SCEL: variants seen among roughly 807,000 people sequenced by gnomAD.
SCEL encodes sciellin.
Under a neutral mutation model 117.6 loss-of-function variants are expected in SCEL, and 113 were observed. That is an observed-to-expected ratio of 0.96 (90% CI 0.83 to 1.12). The LOEUF is 1.12. Among genes scored for constraint, SCEL ranks in the 50% most tolerant of loss-of-function variants. The pLI is 0.00. For synonymous variants in SCEL, 270 were observed against 256.2 expected (o/e 1.05, Z -0.51); for missense variants, 785 against 810.8 (o/e 0.97, Z 0.39).
intron 11 of SCEL, among the ~76,000 whole-genome samples, chr13:77,593,259 A>AGTGTGTGTGTGTGTGTGTGT: frequency 9.0e-6 from 1 of 111,162 alleles, no homozygotes; most frequent in South Asian, 3.0e-4. Context: ...AACAGAGGGG[A>AGTGTGTGTGTGTGTGTGTGT]GTGTGTGTGT....
intron 22 of SCEL, among the ~76,000 whole-genome samples, chr13:77,611,461 T>A (rs1039455630): frequency 6.6e-6 from 1 of 152,136 alleles, no homozygotes; most frequent in African/African-American, 2.4e-5. Flanking sequence ...CTGTTGAGGG[T>A]CAGACACTAA....
intron 11 of SCEL, among the ~76,000 whole-genome samples, chr13:77,591,894 G>A (rs927443557): frequency 6.6e-6 from 1 of 152,104 alleles, no homozygotes; most frequent in East Asian, 1.9e-4. Context: ...ACCAAATGTC[G>A]TCGGGGGGGA....
intron 9 of SCEL, among the ~76,000 whole-genome samples, chr13:77,582,424 CA>C (rs1396243736): frequency 6.6e-6 from 1 of 152,214 alleles, no homozygotes; most frequent in East Asian, 1.9e-4. Flanking sequence ...GACGGGGTTT[CA>C]CCATGTTGGT....
intron 9 of SCEL, among the ~76,000 whole-genome samples, chr13:77,585,705 C>G (rs1169437189): frequency 6.6e-6 from 1 of 152,092 alleles, no homozygotes; most frequent in African/African-American, 2.4e-5. Flanking sequence ...TTTCTTATCA[C>G]CTGGACCATC....
intron 1 of SCEL, among the ~76,000 whole-genome samples, chr13:77,555,213 C>T (rs1567343406): frequency 6.6e-6 from 1 of 152,186 alleles, no homozygotes; most frequent in Non-Finnish European, 1.5e-5. Flanking sequence ...GGAACTGGAT[C>T]AGTCCTGGGC....
At chr13:77,615,387 T>C (rs11841764) in intron 24 of SCEL, among the ~76,000 whole-genome samples, 108 of 152,156 alleles carry the variant, frequency 7.1e-4, no homozygotes, top group African/African-American at 2.4e-3. Flanking sequence ...CCTTGGAAAA[T>C]AGCAAAGGCT....
chr13:77,565,282 C>A (rs555229719), intron 5 of SCEL, among the ~76,000 whole-genome samples: 3 of 152,094 alleles, frequency 2.0e-5, no homozygotes, highest in East Asian at 1.9e-4. Context: ...TCCTACTACC[C>A]CTCACTCCCC....
Position 77,644,445 on chromosome 13 carries a change from A to G in SCEL, c.*171A>G. 1 of 644,120 alleles carries G rather than the reference A, an allele frequency of 1.6e-6. No individual in the cohort carries two copies. The highest frequency in any genetic ancestry group is 2.6e-6 in the Non-Finnish European group (1 of 384,028). 39.9% of individuals were successfully genotyped at this position (644,120 alleles called of 1,614,324 possible). A position where few individuals can be genotyped will look rare whatever the true frequency, so the allele number is the denominator to read the frequency against. ...ATCTAATTGTCTTCAATAAGGTCAC[A>G]CACATAAAAAGAGCCATCTGGTCTC... On this transcript the variant is annotated 3_prime_UTR_variant, in exon 33 of 33. Transcript: ENST00000349847.
intron 21 of SCEL, among the ~76,000 whole-genome samples, 190 bp from the exon 22 acceptor site, chr13:77,609,857 C>A (rs2088507585): frequency 6.6e-6 from 1 of 152,134 alleles, no homozygotes. Context: ...TTCATTATTT[C>A]TCTCCAGTTT....
intron 27 of SCEL, among the ~76,000 whole-genome samples, chr13:77,621,408 G>A (rs1321820634): frequency 6.6e-6 from 1 of 152,068 alleles, no homozygotes; most frequent in Non-Finnish European, 1.5e-5. Flanking sequence ...CGATTGCTTG[G>A]CTAACTTCTA....
Position 77,589,208 on chromosome 13 carries a change from C to G in SCEL, c.610C>G (p.Leu204Val), listed in dbSNP as rs771608739. 5 of 1,611,080 alleles carry G rather than the reference C, an allele frequency of 3.1e-6. No homozygotes were observed. The highest frequency in any genetic ancestry group is 2.2e-5 in the South Asian group (2 of 91,016). ...PSSPVSSPNQLRQDNRQIHPP... is the reference protein window; with the variant it reads ...PSSPVSSPNQVRQDNRQIHPP... Reference sequence around the variant, plus strand: ...TTCTCCTGTTTCTTCTCCTAACCAGCTGAGACAGGATAATAGGTAAGACCT... The same window carrying G: ...TTCTCCTGTTTCTTCTCCTAACCAGGTGAGACAGGATAATAGGTAAGACCT... The change falls in exon 10 of 33, where the codon CTG becomes GTG. Residue 204 changes from leucine to valine, a missense_variant. Transcript: ENST00000349847.
At chr13:77,625,920 G>A (rs762140359) in intron 27 of SCEL, among the ~76,000 whole-genome samples, 1 of 152,064 alleles carries the variant, frequency 6.6e-6, no homozygotes, top group East Asian at 1.9e-4. Flanking sequence ...TGTGAAAGTG[G>A]CCTCTCAAAA....
intron 20 of SCEL, 73 bp downstream of exon 20, chr13:77,608,188 T>A (rs1232103693): frequency 8.3e-7 from 1 of 1,209,594 alleles, no homozygotes; most frequent in African/African-American, 1.5e-5. Context: ...GAAGATGTGT[T>A]GAAAAACCTT....
chr13:77,585,267 T>TG (rs2086496867), intron 9 of SCEL, among the ~76,000 whole-genome samples: 1 of 152,150 alleles, frequency 6.6e-6, no homozygotes, highest in South Asian at 2.1e-4. Flanking sequence ...AGGGTTGTTA[T>TG]GGGGGAATGT....
chr13:77,567,690 A>G lies in SCEL; in HGVS notation c.301A>G (p.Arg101Gly). Residue 101 changes from arginine to glycine, a missense_variant, in exon 6 of 33, where the codon AGA (arginine) becomes GGA (glycine). Coordinates refer to ENST00000349847, the MANE Select transcript of SCEL (RefSeq NM_144777.3). ...TGTTTCTTTATAAAGGATCTCAGAC[A>G]GAAATGATGCTGCTAAAACATATAA... The part of the protein sequence containing the change: ...SDDTLDRISD[R>G]NDAAKTYKAN... The G allele has an allele frequency of 6.2e-7, 1 of 1,607,610 alleles. No individual in the cohort carries two copies. Among genetic ancestry groups the G allele is most frequent in the Non-Finnish European group, 8.5e-7 (1 of 1,176,798 alleles).
At chr13:77,592,562 CTT>C (rs10693960) in intron 11 of SCEL, among the ~76,000 whole-genome samples, 36 of 133,290 alleles carry the variant, frequency 2.7e-4, no homozygotes, top group Non-Finnish European at 2.8e-4. Context: ...CTTCTTCTTC[CTT>C]TTTTTTTTTT....
At chr13:77,554,183 A>G (rs2084514665) in intron 1 of SCEL, among the ~76,000 whole-genome samples, 1 of 152,154 alleles carries the variant, frequency 6.6e-6, no homozygotes, top group Non-Finnish European at 1.5e-5. Context: ...CTACAGCCGG[A>G]TCCCAGCTCT....
At chr13:77,587,096 A>G (rs2086607765) in intron 9 of SCEL, among the ~76,000 whole-genome samples, 1 of 151,904 alleles carries the variant, frequency 6.6e-6, no homozygotes. Context: ...TTTCTCACAC[A>G]GTCCTAATCC....
chr13:77,600,250 T>C (rs1429402320), intron 15 of SCEL, among the ~76,000 whole-genome samples: 3 of 152,122 alleles, frequency 2.0e-5, no homozygotes, highest in Non-Finnish European at 4.4e-5. Context: ...TGCCCCAGCC[T>C]TCCGAGTAGC....
Sources: gnomAD v4.1 joint callset for allele counts (sites outside exome capture counted in the v4.1 genomes callset) on GRCh38, gnomAD v4.1.1 for gene constraint, MANE v1.5 for transcripts, NCBI Gene and HGNC (gene_info 2026-07-23, HGNC 2026-07-21) for gene names.